The following IP6K3 variants were observed in gnomAD, a reference collection of about 807,000 sequenced individuals.
IP6K3 encodes inositol hexakisphosphate kinase 3.
Under a neutral mutation model 28.8 loss-of-function variants are expected in IP6K3, and 20 were observed. The observed-to-expected ratio is 0.70, with a 90% CI of 0.49 to 1.01. IP6K3 has a LOEUF of 1.01. Among genes scored for constraint, IP6K3 ranks in the 50% least tolerant of loss-of-function variants. The probability of loss-of-function intolerance (pLI) is 0.00; values close to 1 mark genes in which losing one functional copy is unlikely to be tolerated. For synonymous variants in IP6K3, 213 were observed against 221.3 expected (o/e 0.96, Z 0.33); for missense variants, 480 against 537.1 (o/e 0.89, Z 1.05).
chr6:33,751,483 C>CGTGTGTGTGTGTGTGTGT (rs762389623), upstream of IP6K3, among the ~76,000 whole-genome samples: 154 of 61,590 alleles, frequency 2.5e-3, 1 homozygote, highest in Middle Eastern at 8.3e-3. The surrounding 1 kb of genome is among the most constrained non-coding windows in gnomAD (Gnocchi z 4.3). Flanking sequence ...CTCTGCAGGC[C>CGTGTGTGTGTGTGTGTGT]GTGTGTGTGT....
chr6:33,731,100 A>G (rs993181885), intron 2 of IP6K3, among the ~76,000 whole-genome samples: 1 of 152,200 alleles, frequency 6.6e-6, no homozygotes, highest in Non-Finnish European at 1.5e-5. Flanking sequence ...TGACTGTCCC[A>G]AGCCCATCTT....
chr6:33,744,164 A>G lies in IP6K3; in HGVS notation c.-180+2594T>C, dbSNP rs1766826647. Among the ~76,000 whole-genome samples, 1 of 152,196 alleles carries G rather than the reference A, an allele frequency of 6.6e-6. No homozygotes were observed. Among genetic ancestry groups the G allele is most frequent in the African/African-American group, 2.4e-5 (1 of 41,450 alleles). ...GACACGCAGCTCCTCAGCCATGGTT[A>G]GCAACTGCTTTGACAGCCCCTCCCA... On this transcript the variant is annotated intron_variant, in intron 1 of 5. Transcript: ENST00000293756. This position sits in a 1 kb window ranked among gnomAD's most constrained non-coding sequence, Gnocchi z 4.4.
chr6:33,732,575 G>A (rs559276209), intron 2 of IP6K3, among the ~76,000 whole-genome samples: 1 of 152,190 alleles, frequency 6.6e-6, no homozygotes, highest in Non-Finnish European at 1.5e-5. Context: ...ATGTGGCCAA[G>A]AGCCCACAGT....
At chr6:33,728,940 G>T (rs1345726832) in intron 2 of IP6K3, among the ~76,000 whole-genome samples, 1 of 152,218 alleles carries the variant, frequency 6.6e-6, no homozygotes, top group Non-Finnish European at 1.5e-5. Context: ...CCTCTGGTTA[G>T]ATGCATCCAC....
chr6:33,735,010 C>G (rs573291367), intron 2 of IP6K3, among the ~76,000 whole-genome samples: 1 of 152,320 alleles, frequency 6.6e-6, no homozygotes, highest in Admixed American at 6.5e-5. Flanking sequence ...TGGGTGGGAC[C>G]AGGGTGTTGT....
At chr6:33,754,376 C>T in the IP6K3 span, among the ~76,000 whole-genome samples, 2 of 152,098 alleles carry the variant, frequency 1.3e-5, no homozygotes. Flanking sequence ...GGGATGATAG[C>T]CTAGGGGGCG....
Position 33,722,881 on chromosome 6 carries a change from CG to C in IP6K3, c.1071del (p.Gly358ValfsTer10). On this transcript the variant is annotated frameshift_variant, in exon 6 of 6. Coordinates refer to ENST00000293756, the MANE Select transcript of IP6K3 (RefSeq NM_054111.5). LOFTEE classifies it high-confidence loss of function. ...CGGATGTCAACCTTGGTGAGACCAC[CG>C]GGAGAGCTACCGTGGGCTGCCTGGG... ...EAPQAAHGSS[P>X]GGLTKVDIRM... 5 of 1,614,116 alleles carry C rather than the reference CG, an allele frequency of 3.1e-6. No homozygotes were observed. The highest frequency in any genetic ancestry group is 4.2e-6 in the Non-Finnish European group (5 of 1,180,028).
At chr6:33,726,665 C>T in intron 4 of IP6K3, 66 bp downstream of exon 4, 1 of 1,464,286 alleles carries the variant, frequency 6.8e-7, no homozygotes, top group Non-Finnish European at 9.2e-7. Context: ...CTACCCACCT[C>T]TGCCCCTCTG....
intron 5 of IP6K3, 46 bp downstream of exon 5, chr6:33,725,395 G>A: frequency 1.5e-5 from 23 of 1,559,356 alleles, no homozygotes; most frequent in Non-Finnish European, 2.0e-5. Flanking sequence ...CCCCACCGTG[G>A]ACGTGCCGGG....
At chr6:33,754,938 G>T in the IP6K3 span, among the ~76,000 whole-genome samples, 2 of 152,202 alleles carry the variant, frequency 1.3e-5, no homozygotes, top group African/African-American at 2.4e-5. Flanking sequence ...ATTATCCCTT[G>T]ATTGCACAGA....
chr6:33,735,207 G>T, intron 2 of IP6K3, 71 bp downstream of exon 2: 3 of 1,299,102 alleles, frequency 2.3e-6, no homozygotes, highest in Non-Finnish European at 3.3e-6. Flanking sequence ...AGGAGGACGT[G>T]GTGGGTGCAT....
chr6:33,738,229 G>T (rs903913841), intron 1 of IP6K3, among the ~76,000 whole-genome samples: 1 of 152,006 alleles, frequency 6.6e-6, no homozygotes, highest in Admixed American at 6.5e-5. Context: ...TCTTGGAAGG[G>T]GCAAGACTCC....
chr6:33,722,851 T>C lies in IP6K3; in HGVS notation c.1102A>G (p.Ile368Val). 6.2e-7 allele frequency: 1 copy of C among 1,613,288 alleles called. No homozygotes were observed. The highest frequency in any genetic ancestry group is 8.5e-7 in the Non-Finnish European group (1 of 1,179,246). The change falls in exon 6 of 6, where the codon ATT (isoleucine) becomes GTT (valine). Residue 368 changes from isoleucine (I) to valine (V), a missense_variant. Physicochemically the swap from Ile to Val is conservative, Grantham distance 29. Transcript: ENST00000293756. ...TTGTATGTGGTATGAGCAAAGTCAA[T>C]CATGCGGATGTCAACCTTGGTGAGA... Reference protein sequence around the residue: ...GGLTKVDIRMIDFAHTTYKGY... With the variant: ...GGLTKVDIRMVDFAHTTYKGY...
chr6:33,751,338 C>G (rs766870404), upstream of IP6K3, among the ~76,000 whole-genome samples: 4 of 151,988 alleles, frequency 2.6e-5, no homozygotes, highest in South Asian at 2.1e-4. This position sits in a 1 kb window ranked among gnomAD's most constrained non-coding sequence, Gnocchi z 4.3. Flanking sequence ...CCACTACAGC[C>G]GGGAATGTGG....
Position 33,735,541 on chromosome 6 carries a change from G to T in IP6K3, c.-65C>A. 1 of 1,571,704 alleles carries T rather than the reference G, an allele frequency of 6.4e-7. No homozygotes were observed. Among genetic ancestry groups the T allele is most frequent in the East Asian group, 2.3e-5 (1 of 43,874 alleles). On this transcript the variant is annotated 5_prime_UTR_variant, in exon 2 of 6. Coordinates refer to ENST00000293756, the MANE Select transcript of IP6K3 (RefSeq NM_054111.5). The stretch of plus-strand genomic sequence containing the variant: ...GCTAGAGGAAGGTTTGAAGTAGAAA[G>T]GGCAGCTCCCAACAGCACACGGGGC...
At chr6:33,728,527 C>T (rs981669164) in intron 2 of IP6K3, among the ~76,000 whole-genome samples, 1 of 152,252 alleles carries the variant, frequency 6.6e-6, no homozygotes, top group African/African-American at 2.4e-5. Context: ...TTGGGCTGAT[C>T]TTGGCACATC....
chr6:33,753,140 A>G, the IP6K3 span, among the ~76,000 whole-genome samples: 2 of 151,564 alleles, frequency 1.3e-5, no homozygotes, highest in Non-Finnish European at 2.9e-5. Context: ...CTGGTCTGGA[A>G]CTCCTGGGCT....
At chr6:33,756,209 G>A in the IP6K3 span, among the ~76,000 whole-genome samples, 141 of 152,302 alleles carry the variant, frequency 9.3e-4, no homozygotes, top group Middle Eastern at 3.4e-3. Context: ...AGATGGTAGT[G>A]TGGTAGAGAA....
chr6:33,747,657 C>T (rs1766950904), upstream of IP6K3, among the ~76,000 whole-genome samples: 1 of 121,488 alleles, frequency 8.2e-6, no homozygotes, highest in East Asian at 2.1e-4. This position sits in a 1 kb window ranked among gnomAD's most constrained non-coding sequence, Gnocchi z 5.2. Context: ...CCCAGAGGCC[C>T]AGAGGCCCAG....
Sources: gnomAD v4.1 joint callset for allele counts (sites outside exome capture counted in the v4.1 genomes callset) on GRCh38, gnomAD v4.1.1 for gene constraint, Gnocchi (gnomAD v3.1) non-coding constraint, MANE v1.5 for transcripts, NCBI Gene and HGNC (gene_info 2026-07-23, HGNC 2026-07-21) for gene names.